Variants in GALNT13 observed in about 807,000 individuals in gnomAD.
The protein encoded by GALNT13 is UDP-GalNAc:polypeptide N-acetylgalactosaminyltransferase 13.
A neutral mutation model predicts 64.2 loss-of-function variants in GALNT13; 28 were observed. The ratio of observed to expected loss-of-function variants is 0.44; its 90% CI spans 0.32 to 0.60. The LOEUF (loss-of-function observed/expected upper bound fraction) is 0.60, where lower values mean the gene tolerates loss of function less well. Among genes scored for constraint, GALNT13 ranks in the 20% least tolerant of loss-of-function variants. The pLI, the probability that GALNT13 is intolerant of heterozygous loss-of-function variation, is 0.05. For missense variants in GALNT13, 577 were observed against 669.8 expected, an observed-to-expected ratio of 0.86 and a Z score of 1.53; for synonymous variants, 214 against 224.6, an observed-to-expected ratio of 0.95 and a Z score of 0.42.
the GALNT13 span, among the ~76,000 whole-genome samples, chr2:153,276,190 TTGTC>T: frequency 6.6e-6 from 1 of 152,160 alleles, no homozygotes; most frequent in Non-Finnish European, 1.5e-5. Context: ...TATTATTTCT[TTGTC>T]TATTACACAC....
the GALNT13 span, among the ~76,000 whole-genome samples, chr2:153,071,193 C>T: frequency 6.6e-6 from 1 of 152,060 alleles, no homozygotes; most frequent in African/African-American, 2.4e-5. Context: ...AGAAGAGAGA[C>T]TACTTTAAAA....
chr2:153,313,222 T>A, the GALNT13 span, among the ~76,000 whole-genome samples: 2 of 152,274 alleles, frequency 1.3e-5, 1 homozygote, highest in African/African-American at 4.8e-5. Context: ...CATTCTATCA[T>A]AAACGATTAC....
At chr2:154,238,008 A>G (rs1689287682) in intron 4 of GALNT13, among the ~76,000 whole-genome samples, 1 of 151,960 alleles carries the variant, frequency 6.6e-6, no homozygotes, top group Non-Finnish European at 1.5e-5. Flanking sequence ...TTTTCTTATC[A>G]TGTCAGCCAA....
the GALNT13 span, among the ~76,000 whole-genome samples, chr2:153,476,058 C>G: frequency 3.3e-5 from 5 of 152,154 alleles, no homozygotes; most frequent in Non-Finnish European, 5.9e-5. Context: ...AAACAACAAA[C>G]AAGCAAACAA....
rs529425755 is a variant in GALNT13, at chr2:154,389,204, C to T, written c.1157-6787C>T. 1.5e-4 allele frequency among the ~76,000 whole-genome samples: 23 copies of T among 152,184 alleles called. No homozygotes were observed. In the South Asian group the frequency reaches 2.3e-3, roughly 15 times the overall value. ...AGGCTGGAGAACAGTGGTGCCATCT[C>T]GGCTCACTGCAACCTCCACCTCCCG... On this transcript the variant is annotated intron_variant, in intron 9 of 12. Coordinates refer to ENST00000392825, the MANE Select transcript of GALNT13 (RefSeq NM_052917.4).
intron 2 of GALNT13, among the ~76,000 whole-genome samples, chr2:153,908,786 T>A (rs544778691): frequency 4.6e-5 from 7 of 152,110 alleles, no homozygotes; most frequent in African/African-American, 1.7e-4. Flanking sequence ...GCCATTTTTT[T>A]ATTGTAGCTC....
At chr2:154,256,786 T>C (rs1248096255) in intron 7 of GALNT13, among the ~76,000 whole-genome samples, 1 of 152,216 alleles carries the variant, frequency 6.6e-6, no homozygotes, top group Admixed American at 6.5e-5. Context: ...TTGAGCTGAC[T>C]ATTCCCCTCT....
At chr2:153,166,940 G>A in the GALNT13 span, among the ~76,000 whole-genome samples, 3 of 152,232 alleles carry the variant, frequency 2.0e-5, no homozygotes, top group African/African-American at 7.2e-5. Context: ...CAACAACCAT[G>A]TGAGTTTGGA....
rs566838447 is a variant in GALNT13 at position 154,205,765 on chromosome 2, A to G, written c.312-36265A>G. 5.9e-5 allele frequency among the ~76,000 whole-genome samples: 9 copies of G among 152,236 alleles called. No individual in the cohort carries two copies. In the South Asian group the frequency reaches 1.7e-3, roughly 28 times the overall value. On this transcript the variant is annotated intron_variant, in intron 4 of 12. Coordinates refer to ENST00000392825, the MANE Select transcript of GALNT13 (RefSeq NM_052917.4). ...GATCTCGTGAGACTCATTCACTATCATGAGAACAGCACAGTAAAGACCCTC... is the reference window on the plus strand; with the variant it reads ...GATCTCGTGAGACTCATTCACTATCGTGAGAACAGCACAGTAAAGACCCTC...
chr2:153,202,672 C>T, the GALNT13 span, among the ~76,000 whole-genome samples: 1 of 152,008 alleles, frequency 6.6e-6, no homozygotes, highest in East Asian at 1.9e-4. Context: ...TCATCAAGCA[C>T]TTAATAAGGA....
the GALNT13 span, among the ~76,000 whole-genome samples, chr2:153,140,508 T>C: frequency 6.6e-6 from 1 of 152,052 alleles, no homozygotes; most frequent in Non-Finnish European, 1.5e-5. Flanking sequence ...AGGATTCAAA[T>C]TGAGCAGGAC....
rs2105208284 is a variant in GALNT13, at chr2:153,871,922, G to A, written c.-558G>A. Reference sequence around the variant, plus strand: ...AGGGGGGCGGGGGCCGGGGAGAAGTGACCAGGCGGCGGCGGCTCTGCTGAG... The same window carrying A: ...AGGGGGGCGGGGGCCGGGGAGAAGTAACCAGGCGGCGGCGGCTCTGCTGAG... On this transcript the variant is annotated 5_prime_UTR_variant, in exon 1 of 13. Transcript: ENST00000392825. 6.6e-6 allele frequency: 1 copy of A among 152,450 alleles called. No individual in the cohort carries two copies. The highest frequency in any genetic ancestry group is 2.4e-5 in the African/African-American group (1 of 41,416). The allele number at this position is 152,450 out of a possible 1,614,324, so 9.4% of individuals were successfully genotyped here. A position where few individuals can be genotyped will look rare whatever the true frequency, so the allele number is the denominator to read the frequency against.
chr2:153,259,346 A>G, the GALNT13 span, among the ~76,000 whole-genome samples: 3 of 151,878 alleles, frequency 2.0e-5, no homozygotes, highest in African/African-American at 7.3e-5. Context: ...TTATAAGAAC[A>G]GATCATTAGG....
chr2:154,449,299 TG>T (rs1383902282), intron 12 of GALNT13, among the ~76,000 whole-genome samples: 1 of 151,848 alleles, frequency 6.6e-6, no homozygotes, highest in Non-Finnish European at 1.5e-5. Context: ...CTTACAACAG[TG>T]CAGTCCACGA....
chr2:153,937,185 G>C (rs1489113285), intron 2 of GALNT13, among the ~76,000 whole-genome samples: 1 of 152,092 alleles, frequency 6.6e-6, no homozygotes, highest in Non-Finnish European at 1.5e-5. Context: ...GTACCTAAAT[G>C]TTAACAGCTT....
the GALNT13 span, among the ~76,000 whole-genome samples, chr2:153,396,667 G>A: frequency 3.9e-5 from 6 of 152,020 alleles, no homozygotes; most frequent in Non-Finnish European, 7.4e-5. Context: ...ACAGTGACTT[G>A]TACAAGAGTC....
intron 8 of GALNT13, among the ~76,000 whole-genome samples, chr2:154,277,160 A>G (rs1691694649): frequency 6.6e-6 from 1 of 152,192 alleles, no homozygotes; most frequent in Non-Finnish European, 1.5e-5. Context: ...TTACATGTGT[A>G]TCTTATAAAA....
At chr2:153,123,526 A>C in the GALNT13 span, among the ~76,000 whole-genome samples, 1 of 152,216 alleles carries the variant, frequency 6.6e-6, no homozygotes, top group African/African-American at 2.4e-5. Flanking sequence ...TGAATCAATA[A>C]AGTTACATTT....
chr2:153,315,972 A>C, the GALNT13 span, among the ~76,000 whole-genome samples: 1 of 152,138 alleles, frequency 6.6e-6, no homozygotes, highest in Non-Finnish European at 1.5e-5. Context: ...AAAAGAATCC[A>C]ATTTTTAAAA....
Sources: gnomAD v4.1 joint callset for allele counts (sites outside exome capture counted in the v4.1 genomes callset) on GRCh38, gnomAD v4.1.1 for gene constraint, MANE v1.5 for transcripts, NCBI Gene and HGNC (gene_info 2026-07-23, HGNC 2026-07-21) for gene names.